SLC44A5: variants seen among roughly 807,000 people sequenced by gnomAD.
SLC44A5 encodes the protein choline transporter-like protein 5.
SLC44A5 carries 57 observed loss-of-function variants against 101.8 expected under a neutral mutation model. The ratio of observed to expected loss-of-function variants is 0.56; its 90% CI spans 0.45 to 0.70. SLC44A5 has a LOEUF of 0.70. Among genes scored for constraint, SLC44A5 ranks in the 30% least tolerant of loss-of-function variants. The pLI is 0.00. For synonymous variants in SLC44A5, 281 were observed against 290.9 expected, an observed-to-expected ratio of 0.97 and a Z score of 0.35; for missense variants, 737 against 853.1, an observed-to-expected ratio of 0.86 and a Z score of 1.70.
chr1:75,612,610 T>C (rs1675702979), upstream of SLC44A5, among the ~76,000 whole-genome samples: 1 of 152,250 alleles, frequency 6.6e-6, no homozygotes, highest in Admixed American at 6.5e-5. Flanking sequence ...GTTCATATTA[T>C]TTGTCACCTG....
At chr1:75,635,772 C>G in the SLC44A5 span, among the ~76,000 whole-genome samples, 2 of 150,718 alleles carry the variant, frequency 1.3e-5, no homozygotes, top group African/African-American at 4.9e-5. Context: ...CTAACCTGCA[C>G]ATTGTGCACA....
intron 2 of SLC44A5, among the ~76,000 whole-genome samples, chr1:75,516,092 T>C (rs532363180): frequency 6.6e-6 from 1 of 152,358 alleles, no homozygotes; most frequent in Middle Eastern, 3.4e-3. Context: ...AGAGCCACTA[T>C]AAAAAATTCT....
chr1:75,313,588 T>G (rs1262347584), intron 4 of SLC44A5, among the ~76,000 whole-genome samples: 1 of 152,160 alleles, frequency 6.6e-6, no homozygotes, highest in Non-Finnish European at 1.5e-5. Context: ...GACTGTCCAT[T>G]ATGAACAATA....
the SLC44A5 span, among the ~76,000 whole-genome samples, chr1:75,670,672 G>A: frequency 6.6e-5 from 10 of 152,192 alleles, no homozygotes; most frequent in Non-Finnish European, 4.4e-5. Flanking sequence ...CAGAATTGGG[G>A]AAGAAGAAGA....
At chr1:75,298,587 A>G (rs1200866473) in intron 5 of SLC44A5, among the ~76,000 whole-genome samples, 1 of 151,954 alleles carries the variant, frequency 6.6e-6, no homozygotes, top group Non-Finnish European at 1.5e-5. Context: ...GACACAAAGC[A>G]TTTTTCTGTG....
chr1:75,443,320 A>T (rs1665313948), intron 2 of SLC44A5, among the ~76,000 whole-genome samples: 1 of 152,036 alleles, frequency 6.6e-6, no homozygotes, highest in African/African-American at 2.4e-5. Context: ...AAGCAGAAAA[A>T]ATCCTGCCTC....
chr1:75,511,582 C>T (rs1007242960), intron 2 of SLC44A5, among the ~76,000 whole-genome samples: 1 of 152,116 alleles, frequency 6.6e-6, no homozygotes, highest in Non-Finnish European at 1.5e-5. Context: ...ATTCCCAGTA[C>T]AATTTCACCA....
At chr1:75,313,545 A>G (rs1159930245) in intron 4 of SLC44A5, among the ~76,000 whole-genome samples, 1 of 152,180 alleles carries the variant, frequency 6.6e-6, no homozygotes, top group African/African-American at 2.4e-5. Flanking sequence ...CTGAGGATCA[A>G]AAAAGAGCTG....
chr1:75,423,183 C>T (rs1243826347), intron 2 of SLC44A5, among the ~76,000 whole-genome samples: 4 of 152,146 alleles, frequency 2.6e-5, no homozygotes, highest in Non-Finnish European at 5.9e-5. Flanking sequence ...GGAATGAATA[C>T]CTATAGCAAT....
At position 75,273,390 on chromosome 1, in the gene SLC44A5, C is replaced by G. The variant is rs146870924; in HGVS notation, c.260+1568G>C. 2.6e-3 allele frequency among the ~76,000 whole-genome samples: 399 copies of G among 152,212 alleles called. 1 individual carries two copies. The highest frequency in any genetic ancestry group is 9.1e-3 in the African/African-American group (380 of 41,554). On this transcript the variant is annotated intron_variant, in intron 6 of 23. Coordinates refer to ENST00000370859, the MANE Select transcript of SLC44A5 (RefSeq NM_001130058.2). Reference sequence around the variant, plus strand: ...TTATTTCTTTTTTTGTCTGGTTGCTCTGACTAGGACTTCCAGTGCTATGTT... The same window carrying G: ...TTATTTCTTTTTTTGTCTGGTTGCTGTGACTAGGACTTCCAGTGCTATGTT...
intron 1 of SLC44A5, among the ~76,000 whole-genome samples, chr1:75,544,122 A>G (rs1372413406): frequency 2.0e-5 from 3 of 152,182 alleles, no homozygotes; most frequent in African/African-American, 7.2e-5. Context: ...TGATTAGGCC[A>G]TGAGGGCTCT....
chr1:75,628,546 T>C, the SLC44A5 span, among the ~76,000 whole-genome samples: 1 of 152,162 alleles, frequency 6.6e-6, no homozygotes, highest in African/African-American at 2.4e-5. Flanking sequence ...GAGTTTAAGG[T>C]TTCGATATTG....
intron 3 of SLC44A5, among the ~76,000 whole-genome samples, chr1:75,342,880 AGAT>A (rs1289028061): frequency 6.6e-6 from 1 of 152,188 alleles, no homozygotes; most frequent in Non-Finnish European, 1.5e-5. Context: ...AAAACCAGTC[AGAT>A]GATAAGATTG....
chr1:75,275,838 T>C (rs930023285), intron 5 of SLC44A5, among the ~76,000 whole-genome samples: 1 of 152,124 alleles, frequency 6.6e-6, no homozygotes, highest in Non-Finnish European at 1.5e-5. Flanking sequence ...ACTAATACAG[T>C]TCCTAAAAAT....
the SLC44A5 span, among the ~76,000 whole-genome samples, chr1:75,672,923 G>C: frequency 2.0e-5 from 3 of 152,078 alleles, no homozygotes; most frequent in Admixed American, 6.6e-5. Flanking sequence ...TGACTTGAGA[G>C]CCCTTCAGCC....
intron 23 of SLC44A5, chr1:75,204,398 G>A (rs1277040633): frequency 1.3e-5 from 2 of 152,020 alleles, no homozygotes; most frequent in African/African-American, 4.8e-5. Context: ...AGTAGTAAAT[G>A]GAGAATATTT....
At chr1:75,439,835 G>C (rs1665095704) in intron 2 of SLC44A5, among the ~76,000 whole-genome samples, 1 of 151,956 alleles carries the variant, frequency 6.6e-6, no homozygotes, top group African/African-American at 2.4e-5. Flanking sequence ...AGACACAAGA[G>C]ACACAATATC....
the SLC44A5 span, among the ~76,000 whole-genome samples, chr1:75,625,058 A>G: frequency 6.6e-6 from 1 of 152,080 alleles, no homozygotes; most frequent in Non-Finnish European, 1.5e-5. Flanking sequence ...CGCAAAAACT[A>G]TGAACCCACT....
intron 5 of SLC44A5, among the ~76,000 whole-genome samples, chr1:75,296,117 C>G (rs1303643828): frequency 6.6e-6 from 1 of 152,140 alleles, no homozygotes; most frequent in Non-Finnish European, 1.5e-5. Flanking sequence ...TCCACTGTCT[C>G]CAGTCTCCAG....
Sources: allele counts gnomAD v4.1 joint callset (sites outside exome capture counted in the v4.1 genomes callset), GRCh38; gene constraint gnomAD v4.1.1; transcripts MANE v1.5; gene names NCBI Gene and HGNC (gene_info 2026-07-23, HGNC 2026-07-21).